PIK3R2: variants seen among roughly 807,000 people sequenced by gnomAD.
PIK3R2 encodes the protein phosphoinositide-3-kinase regulatory subunit 2, also known as phosphatidylinositol 3-kinase regulatory subunit beta.
In PIK3R2, 40 loss-of-function variants were observed where a neutral mutation model predicts 78.5. The observed-to-expected ratio is 0.51, with a 90% CI of 0.40 to 0.66. The LOEUF (loss-of-function observed/expected upper bound fraction) is 0.66. PIK3R2 is among the 30% of genes least tolerant of loss of function. The probability of loss-of-function intolerance (pLI) is 0.00; values close to 1 mark genes in which losing one functional copy is unlikely to be tolerated. For synonymous variants in PIK3R2, 473 were observed against 457.7 expected (o/e 1.03, Z -0.43); for missense variants, 880 against 1,026.6 (o/e 0.86, Z 1.95).
At chr19:18,162,583 T>G in intron 9 of PIK3R2, 77 bp downstream of exon 9, 1 of 1,307,212 alleles carries the variant, frequency 7.6e-7, no homozygotes, top group Non-Finnish European at 1.1e-6. Flanking sequence ...ATAGAACATG[T>G]GCGGTTTCAA....
intron 1 of PIK3R2, among the ~76,000 whole-genome samples, chr19:18,153,905 G>A (rs1599958724): frequency 2.0e-5 from 3 of 152,192 alleles, no homozygotes; most frequent in Admixed American, 2.0e-4. Flanking sequence ...TGTAGAATGA[G>A]GGTAACAGAG....
In PIK3R2 at chr19:18,155,938, C is replaced by T. The variant is rs929809973; in HGVS notation, c.59C>T (p.Pro20Leu). 82 of 1,570,702 alleles carry T rather than the reference C, an allele frequency of 5.2e-5. No individual in the cohort carries two copies. The highest frequency in any genetic ancestry group is 2.3e-4 in the South Asian group (20 of 85,874). Residue 20 changes from proline (P) to leucine (L), a missense_variant, in exon 2 of 16, where the codon CCG becomes CTG. Pro to Leu is a moderately conservative substitution (Grantham distance 98). Around this residue, in one of 3 missense-constraint regions of PIK3R2, gnomAD observed 456 missense variants for 486.6 expected, o/e 0.94. Coordinates refer to ENST00000222254, the MANE Select transcript of PIK3R2 (RefSeq NM_005027.4). The part of the protein sequence containing the change: ...RALYPFRRER[P>L]EDLELLPGDV... ...CTGTACCCGTTCCGCCGGGAGCGGC[C>T]GGAGGACCTGGAGCTGCTGCCCGGC...
chr19:18,161,026 T>C lies in PIK3R2; in HGVS notation c.467-28T>C. 2 of 1,611,594 alleles carry C rather than the reference T, an allele frequency of 1.2e-6. No homozygotes were observed. The highest frequency in any genetic ancestry group is 1.7e-6 in the Non-Finnish European group (2 of 1,179,302). On this transcript the variant is annotated intron_variant, in intron 4 of 15. Coordinates refer to ENST00000222254, the MANE Select transcript of PIK3R2 (RefSeq NM_005027.4). This position sits in a 1 kb window ranked among gnomAD's most constrained non-coding sequence, Gnocchi z 5.3. ...GGCTGGGGGCCCCAGTACACATGAG[T>C]TGGACGTGTGCCCCCCTGCACCCGC... is the stretch of plus-strand genomic sequence containing the variant.
At chr19:18,154,761 A>C (rs953884001) in intron 1 of PIK3R2, among the ~76,000 whole-genome samples, 3 of 151,564 alleles carry the variant, frequency 2.0e-5, no homozygotes, top group Admixed American at 1.3e-4. Flanking sequence ...CAGTTTCCCC[A>C]TCTGTAACAG....
At chr19:18,164,887 C>T (rs375213598) in intron 11 of PIK3R2, among the ~76,000 whole-genome samples, 103 of 128,742 alleles carry the variant, frequency 8.0e-4, no homozygotes, top group African/African-American at 2.8e-3. Context: ...CTGGCTGCCT[C>T]GGCCTCCCAA....
rs2043825110 is a variant in PIK3R2, at chr19:18,167,864, AG to A, written c.1736+559del. ...GGGCAACAGAGCAACACTCTGCCTC[AG>A]AAAAGAAAAGAAAAAAAAAATCGCC... is the stretch of plus-strand genomic sequence containing the variant. On this transcript the variant is annotated intron_variant, in intron 13 of 15. Transcript: ENST00000222254. This position sits in a 1 kb window ranked among gnomAD's most constrained non-coding sequence, Gnocchi z 4.5. Among the ~76,000 whole-genome samples the A allele has an allele frequency of 1.1e-4, 16 of 152,008 alleles. No individual in the cohort carries two copies. The highest frequency in any genetic ancestry group is 1.1e-3 in the Admixed American group (16 of 15,238).
intron 11 of PIK3R2, among the ~76,000 whole-genome samples, chr19:18,165,873 G>A (rs1568638431): frequency 6.6e-6 from 1 of 152,068 alleles, no homozygotes; most frequent in Non-Finnish European, 1.5e-5. Context: ...CCCCCAAGAA[G>A]CCCTGTGAGC....
At chr19:18,158,916 C>T (rs1383122922) in intron 2 of PIK3R2, among the ~76,000 whole-genome samples, 2 of 151,986 alleles carry the variant, frequency 1.3e-5, no homozygotes, top group Non-Finnish European at 2.9e-5. Context: ...AATCTTGGCT[C>T]CTGCAACCTC....
chr19:18,168,879 C>T lies in PIK3R2; in HGVS notation c.1962C>T (p.Cys654=), dbSNP rs2147960015. ...TCCGCGAGAGCAGCCAGCGGGGCTG[C>T]TACGCCTGCTCCGTGGTGTGAGTGG... is the stretch of plus-strand genomic sequence containing the variant. The part of the protein sequence containing the change: ...FLIRESSQRG[C]YACSVVVDGD... Residue 654 remains cysteine (C), a synonymous_variant, in exon 15 of 16, where the codon TGC becomes TGT. Transcript: ENST00000222254. The surrounding 1 kb of genome is among the most constrained non-coding windows in gnomAD (Gnocchi z 4.1). The T allele has an allele frequency of 6.2e-7, 1 of 1,613,016 alleles. No individual in the cohort carries two copies.
rs1034721045 is a variant in PIK3R2, at chr19:18,170,157, G to C, written c.*863G>C. 2 of 154,588 alleles carry C rather than the reference G, an allele frequency of 1.3e-5. No individual in the cohort carries two copies. Among genetic ancestry groups the C allele is most frequent in the African/African-American group, 4.8e-5 (2 of 41,528 alleles). 9.6% of individuals were successfully genotyped at this position (154,588 alleles called of 1,614,324 possible). On this transcript the variant is annotated 3_prime_UTR_variant, in exon 16 of 16. Coordinates refer to ENST00000222254, the MANE Select transcript of PIK3R2 (RefSeq NM_005027.4). ...CAGGAGATGGAGGTTGCAGTGAGCAGAGATCGTGCCACTGCACTCCAGCCT... is the reference window on the plus strand; with the variant it reads ...CAGGAGATGGAGGTTGCAGTGAGCACAGATCGTGCCACTGCACTCCAGCCT...
At chr19:18,163,685 C>T (rs1370456376) in intron 11 of PIK3R2, among the ~76,000 whole-genome samples, 4 of 152,084 alleles carry the variant, frequency 2.6e-5, no homozygotes, top group African/African-American at 4.8e-5. Context: ...AACTGGGTGT[C>T]GTGGTGCATG....
chr19:18,167,746 TC>T lies in PIK3R2; in HGVS notation c.1736+443del, dbSNP rs1366270807. Among the ~76,000 whole-genome samples, 1 of 152,016 alleles carries T rather than the reference TC, an allele frequency of 6.6e-6. No individual in the cohort carries two copies. On this transcript the variant is annotated intron_variant, in intron 13 of 15. Coordinates refer to ENST00000222254, the MANE Select transcript of PIK3R2 (RefSeq NM_005027.4). This position sits in a 1 kb window ranked among gnomAD's most constrained non-coding sequence, Gnocchi z 4.5. Reference sequence around the variant, plus strand: ...CAGGCATGGTGGTGGGCGCCTGTAATCCCAGTTACTCAAGAGGCTGAGGCAG... The same window carrying T: ...CAGGCATGGTGGTGGGCGCCTGTAATCCAGTTACTCAAGAGGCTGAGGCAG...
rs553717561 is a variant in PIK3R2, at chr19:18,157,412, G to C, written c.322+1211G>C. Among the ~76,000 whole-genome samples the C allele has an allele frequency of 2.0e-5, 3 of 152,304 alleles. No individual in the cohort carries two copies. In the East Asian group the frequency reaches 5.8e-4, roughly 29 times the overall value. ...CAGCCCCACCCTCTGAATCTTCCAG[G>C]GTTATGTGACCTCGGCCAGAACCCG... On this transcript the variant is annotated intron_variant, in intron 2 of 15. Coordinates refer to ENST00000222254, the MANE Select transcript of PIK3R2 (RefSeq NM_005027.4).
Position 18,166,253 on chromosome 19 carries a change from G to A in PIK3R2, c.1510G>A (p.Glu504Lys), listed in dbSNP as rs2043808964. 6.2e-7 allele frequency: 1 copy of A among 1,614,032 alleles called. No homozygotes were observed. Among genetic ancestry groups the A allele is most frequent in the Non-Finnish European group, 8.5e-7 (1 of 1,180,030 alleles). ...CCAGACTCAAGAGAAATGCAGCAAG[G>A]AATACCTGGAGCGCTTCCGGCGTGA... is the stretch of plus-strand genomic sequence containing the variant. ...QGQTQEKCSK[E>K]YLERFRREGN... The change falls in exon 12 of 16, where the codon GAA (glutamate) becomes AAA (lysine). Residue 504 changes from glutamate to lysine, a missense_variant. Physicochemically the swap from Glu to Lys is moderately conservative, Grantham distance 56. Around this residue, in one of 3 missense-constraint regions of PIK3R2, gnomAD observed 156 missense variants for 241.0 expected, o/e 0.65. Coordinates refer to ENST00000222254, the MANE Select transcript of PIK3R2 (RefSeq NM_005027.4).
Position 18,162,011 on chromosome 19 carries a change from G to A in PIK3R2, c.861G>A (p.Leu287=), listed in dbSNP as rs1418515700. The change falls in exon 7 of 16, where the codon CTG becomes CTA. Residue 287 remains leucine, a synonymous_variant. Coordinates refer to ENST00000222254, the MANE Select transcript of PIK3R2 (RefSeq NM_005027.4). ...TCCCGGCGCTGCTGGTGGAGAAGCT[G>A]CTTCAGGAACACTTGGAAGAGCAGG... The part of the protein sequence containing the change: ...PDFPALLVEK[L]LQEHLEEQEV... 2 of 1,614,058 alleles carry A rather than the reference G, an allele frequency of 1.2e-6. No homozygotes were observed. Among genetic ancestry groups the A allele is most frequent in the South Asian group, 1.1e-5 (1 of 91,088 alleles).
intron 2 of PIK3R2, among the ~76,000 whole-genome samples, chr19:18,159,194 T>C (rs1159704981): frequency 1.5e-5 from 2 of 132,126 alleles, no homozygotes; most frequent in African/African-American, 5.8e-5. Context: ...TCTCACTCTG[T>C]TGCCCAGGCT....
In PIK3R2 at chr19:18,161,648, C is replaced by G. The variant is rs2043748313; in HGVS notation, c.815+153C>G. ...GTTCTTGTGATGACGGAGCGGAGAC[C>G]TGGGCTCCTGAGTCGTGGGACAGAA... On this transcript the variant is annotated intron_variant, in intron 6 of 15. Transcript: ENST00000222254. This position sits in a 1 kb window ranked among gnomAD's most constrained non-coding sequence, Gnocchi z 5.3. Among the ~76,000 whole-genome samples, 1 of 152,190 alleles carries G rather than the reference C, an allele frequency of 6.6e-6. No homozygotes were observed. The highest frequency in any genetic ancestry group is 1.5e-5 in the Non-Finnish European group (1 of 68,016).
In PIK3R2 at chr19:18,168,054, A is replaced by G. The variant is rs1259045774; in HGVS notation, c.1737-421A>G. On this transcript the variant is annotated intron_variant, in intron 13 of 15. Transcript: ENST00000222254. This position sits in a 1 kb window ranked among gnomAD's most constrained non-coding sequence, Gnocchi z 4.1. Reference sequence around the variant, plus strand: ...ACTGTCGCGTGCCAGGTGCTGTGCTAAGCACCGTGCTCGTTATGAGTTCAT... The same window carrying G: ...ACTGTCGCGTGCCAGGTGCTGTGCTGAGCACCGTGCTCGTTATGAGTTCAT... 6.6e-6 allele frequency among the ~76,000 whole-genome samples: 1 copy of G among 152,012 alleles called. No individual in the cohort carries two copies. Among genetic ancestry groups the G allele is most frequent in the Non-Finnish European group, 1.5e-5 (1 of 67,986 alleles).
rs569460763 is a variant in PIK3R2 at position 18,162,005 on chromosome 19, G to A, written c.855G>A (p.Glu285=). 3.1e-6 allele frequency: 5 copies of A among 1,614,068 alleles called. No individual in the cohort carries two copies. In the East Asian group the frequency reaches 1.1e-4, roughly 36 times the overall value. The change falls in exon 7 of 16, where the codon GAG becomes GAA. Residue 285 remains glutamate (E), a synonymous_variant. Transcript: ENST00000222254. ...CTGACTTCCCGGCGCTGCTGGTGGA[G>A]AAGCTGCTTCAGGAACACTTGGAAG... ...PSPDFPALLV[E]KLLQEHLEEQ...
Sources: gnomAD v4.1 joint callset for allele counts (sites outside exome capture counted in the v4.1 genomes callset) on GRCh38, gnomAD v4.1.1 for gene constraint, gnomAD v4.1.1 regional missense constraint, Gnocchi (gnomAD v3.1) non-coding constraint, MANE v1.5 for transcripts, NCBI Gene and HGNC (gene_info 2026-07-23, HGNC 2026-07-21) for gene names.